LRRC25: variants seen among roughly 807,000 people sequenced by gnomAD.
The protein encoded by LRRC25 is leucine rich repeat containing 25.
A neutral mutation model predicts 18.8 loss-of-function variants in LRRC25; 5 were observed. The ratio of observed to expected loss-of-function variants is 0.27; its 90% CI spans 0.14 to 0.56. The LOEUF (loss-of-function observed/expected upper bound fraction) is 0.56. Among genes scored for constraint, LRRC25 ranks in the 20% least tolerant of loss-of-function variants. The pLI, the probability that LRRC25 is intolerant of heterozygous loss-of-function variation, is 0.93. For synonymous variants in LRRC25, 161 were observed against 176.8 expected, an observed-to-expected ratio of 0.91 and a Z score of 0.71; for missense variants, 341 against 389.8, an observed-to-expected ratio of 0.87 and a Z score of 1.05.
At chr19:18,393,574 T>A (rs930448166) in intron 1 of LRRC25, among the ~76,000 whole-genome samples, 4 of 151,172 alleles carry the variant, frequency 2.6e-5, no homozygotes, top group African/African-American at 9.7e-5. Context: ...TGAGCCGAGA[T>A]CATGCCATTG....
Position 18,396,614 on chromosome 19 carries a change from T to A in LRRC25, c.350A>T (p.Asn117Ile). ...GTCGTGCCAGGACTCCAGGGCACAG[T>A]TGCAGTCGGCCTGCAGGTCAAGGTC... is the stretch of plus-strand genomic sequence containing the variant. ...RCDLDLQADCNCALESWHDIR... is the reference protein window; with the variant it reads ...RCDLDLQADCICALESWHDIR... Residue 117 changes from asparagine to isoleucine, a missense_variant, in exon 1 of 2, where the codon AAC becomes ATC. Physicochemically the swap from Asn to Ile is moderately radical, Grantham distance 149. Coordinates refer to ENST00000339007, the MANE Select transcript of LRRC25 (RefSeq NM_145256.3). 6.2e-7 allele frequency: 1 copy of A among 1,613,952 alleles called. No homozygotes were observed. Among genetic ancestry groups the A allele is most frequent in the Non-Finnish European group, 8.5e-7 (1 of 1,180,022 alleles).
At chr19:18,394,710 C>T (rs1185186502) in intron 1 of LRRC25, among the ~76,000 whole-genome samples, 1 of 152,066 alleles carries the variant, frequency 6.6e-6, no homozygotes, top group African/African-American at 2.4e-5. Context: ...TCGAAAAGTG[C>T]TGGGATTATA....
Position 18,396,858 on chromosome 19 carries a change from C to T in LRRC25, c.106G>A (p.Ala36Thr), listed in dbSNP as rs1254158313. 5 of 1,613,878 alleles carry T rather than the reference C, an allele frequency of 3.1e-6. No individual in the cohort carries two copies. The Admixed American group carries it at 6.7e-5, about 22-fold the overall frequency. ...TTCAGGCACGTGGCACTGAACTCCG[C>T]GTTCCAGTCCACATCCGCGGAGGAC... Reference protein sequence around the residue: ...TVSSADVDWNAEFSATCLNFS... With the variant: ...TVSSADVDWNTEFSATCLNFS... The change falls in exon 1 of 2, where the codon GCG becomes ACG. Residue 36 changes from alanine to threonine, a missense_variant. Coordinates refer to ENST00000339007, the MANE Select transcript of LRRC25 (RefSeq NM_145256.3).
Position 18,391,967 on chromosome 19 carries a change from G to C in LRRC25, c.*20C>G. The C allele has an allele frequency of 6.2e-7, 1 of 1,609,816 alleles. No individual in the cohort carries two copies. Among genetic ancestry groups the C allele is most frequent in the Non-Finnish European group, 8.5e-7 (1 of 1,177,028 alleles). ...GCAGGGACTGAAGGGGTTCTGGGTG[G>C]AGGTTAGGACATCTTAGGCTCAGTG... On this transcript the variant is annotated 3_prime_UTR_variant, in exon 2 of 2. Coordinates refer to ENST00000339007, the MANE Select transcript of LRRC25 (RefSeq NM_145256.3).
At chr19:18,393,237 G>A (rs148689189) in intron 1 of LRRC25, among the ~76,000 whole-genome samples, 2 of 152,188 alleles carry the variant, frequency 1.3e-5, no homozygotes, top group African/African-American at 2.4e-5. Context: ...GGAGCAGGTA[G>A]CTACTTAGGA....
chr19:18,392,076 C>T lies in LRRC25; in HGVS notation c.829G>A (p.Asp277Asn). The change falls in exon 2 of 2, where the codon GAC (aspartate) becomes AAC (asparagine). Residue 277 changes from aspartate (D) to asparagine (N), a missense_variant. Transcript: ENST00000339007. ...CAGTAGACAGGCTGGGAAGCCAGGT[C>T]GATGTCCTTGTAGTTGATGTAAAAG... ...NDFYINYKDI[D>N]LASQPVYCNL... 6 of 1,614,008 alleles carry T rather than the reference C, an allele frequency of 3.7e-6. No individual in the cohort carries two copies. The highest frequency in any genetic ancestry group is 5.1e-6 in the Non-Finnish European group (6 of 1,180,004).
Position 18,391,839 on chromosome 19 carries a change from G to A in LRRC25, c.*148C>T. 2.2e-6 allele frequency: 2 copies of A among 909,778 alleles called. No homozygotes were observed. Among genetic ancestry groups the A allele is most frequent in the South Asian group, 1.7e-5 (1 of 59,996 alleles). 56.4% of individuals were successfully genotyped at this position (909,778 alleles called of 1,614,324 possible). On this transcript the variant is annotated 3_prime_UTR_variant, in exon 2 of 2. Coordinates refer to ENST00000339007, the MANE Select transcript of LRRC25 (RefSeq NM_145256.3). ...GAGCGGCATGAGGGACAGGGAGGGG[G>A]CGGCAGAGCTTCCTGGGGCCTCAAG...
At position 18,391,564 on chromosome 19, in the gene LRRC25, C is replaced by A. The variant is rs116399833; in HGVS notation, c.*423G>T. ...AAAACAAACAAACAAACAACAACAACAAAAAAAAACAGGGATGGGAGGTGG... is the reference window on the plus strand; with the variant it reads ...AAAACAAACAAACAAACAACAACAAAAAAAAAAAACAGGGATGGGAGGTGG... On this transcript the variant is annotated 3_prime_UTR_variant, in exon 2 of 2. Coordinates refer to ENST00000339007, the MANE Select transcript of LRRC25 (RefSeq NM_145256.3). 0.19 allele frequency: 29,855 copies of A among 157,428 alleles called. 3,072 individuals are homozygous for A. The highest frequency in any genetic ancestry group is 0.27 in the South Asian group (1,630 of 5,954). 9.8% of individuals were successfully genotyped at this position (157,428 alleles called of 1,614,324 possible). A position where few individuals can be genotyped will look rare whatever the true frequency, so the allele number is the denominator to read the frequency against.
At chr19:18,394,966 C>A (rs1164971166) in intron 1 of LRRC25, among the ~76,000 whole-genome samples, 2 of 152,152 alleles carry the variant, frequency 1.3e-5, no homozygotes, top group Admixed American at 1.3e-4. Context: ...GTGGTCCCAA[C>A]TACTCTGGAG....
Position 18,391,823 on chromosome 19 carries a change from G to A in LRRC25, c.*164C>T, listed in dbSNP as rs1971903156. On this transcript the variant is annotated 3_prime_UTR_variant, in exon 2 of 2. Coordinates refer to ENST00000339007, the MANE Select transcript of LRRC25 (RefSeq NM_145256.3). Reference sequence around the variant, plus strand: ...AGCTGAGGGAGCTGAGGAGCGGCATGAGGGACAGGGAGGGGGCGGCAGAGC... The same window carrying A: ...AGCTGAGGGAGCTGAGGAGCGGCATAAGGGACAGGGAGGGGGCGGCAGAGC... 3 of 739,550 alleles carry A rather than the reference G, an allele frequency of 4.1e-6. No individual in the cohort carries two copies. Among genetic ancestry groups the A allele is most frequent in the Non-Finnish European group, 6.5e-6 (3 of 463,484 alleles). The allele number at this position is 739,550 out of a possible 1,614,324, so 45.8% of individuals were successfully genotyped here. A position where few individuals can be genotyped will look rare whatever the true frequency, so the allele number is the denominator to read the frequency against.
At chr19:18,395,232 G>C (rs370060112) in intron 1 of LRRC25, among the ~76,000 whole-genome samples, 21 of 152,082 alleles carry the variant, frequency 1.4e-4, no homozygotes, top group African/African-American at 5.1e-4. Flanking sequence ...TTAGCCTGGC[G>C]TGGTGGCGGG....
At position 18,392,904 on chromosome 19, in the gene LRRC25, C is replaced by T. The variant is rs113200128; in HGVS notation, c.780-779G>A. Reference sequence around the variant, plus strand: ...CCTCGGGAGGCTGAGGTGGGAGGACCGCTTGAGCCCAGGAGGTCGAGCCTA... The same window carrying T: ...CCTCGGGAGGCTGAGGTGGGAGGACTGCTTGAGCCCAGGAGGTCGAGCCTA... On this transcript the variant is annotated intron_variant, in intron 1 of 1. Coordinates refer to ENST00000339007, the MANE Select transcript of LRRC25 (RefSeq NM_145256.3). Among the ~76,000 whole-genome samples, 1,164 of 152,078 alleles carry T rather than the reference C, an allele frequency of 7.7e-3. 12 individuals carry two copies. The highest frequency in any genetic ancestry group is 0.027 in the African/African-American group (1,100 of 41,498).
At chr19:18,394,385 A>C (rs1218393023) in intron 1 of LRRC25, among the ~76,000 whole-genome samples, 5 of 148,200 alleles carry the variant, frequency 3.4e-5, no homozygotes, top group African/African-American at 7.5e-5. Flanking sequence ...GGCTCACTGC[A>C]ACCTCCACCT....
At chr19:18,392,437 A>T (rs1971913859) in intron 1 of LRRC25, among the ~76,000 whole-genome samples, 1 of 151,998 alleles carries the variant, frequency 6.6e-6, no homozygotes, top group Non-Finnish European at 1.5e-5. Flanking sequence ...GGTTGTAGTG[A>T]GCCGAGATCG....
intron 1 of LRRC25, among the ~76,000 whole-genome samples, chr19:18,395,751 C>CA (rs1422619720): frequency 6.6e-6 from 1 of 152,140 alleles, no homozygotes; most frequent in Non-Finnish European, 1.5e-5. Flanking sequence ...GATGGAGTCT[C>CA]ACTCTGTCAC....
Position 18,397,331 on chromosome 19 carries a change from T to C in LRRC25, c.-368A>G, listed in dbSNP as rs898208897. On this transcript the variant is annotated 5_prime_UTR_variant, in exon 1 of 2. Coordinates refer to ENST00000339007, the MANE Select transcript of LRRC25 (RefSeq NM_145256.3). Reference sequence around the variant, plus strand: ...GCCCCCTGATCACGCTCCCGGTATCTCCCAGAACGGCGGGTCGCTGGGAAG... The same window carrying C: ...GCCCCCTGATCACGCTCCCGGTATCCCCCAGAACGGCGGGTCGCTGGGAAG... 18 of 269,112 alleles carry C rather than the reference T, an allele frequency of 6.7e-5. No individual in the cohort carries two copies. The highest frequency in any genetic ancestry group is 3.4e-4 in the Admixed American group (7 of 20,774). The allele number at this position is 269,112 out of a possible 1,614,324, so 16.7% of individuals were successfully genotyped here. A position where few individuals can be genotyped will look rare whatever the true frequency, so the allele number is the denominator to read the frequency against.
In LRRC25 at chr19:18,397,269, C is replaced by T. The variant is rs1276409650; in HGVS notation, c.-306G>A. ...GGCGCCCTCGTTGGCCAGGACGGGA[C>T]CCTATGCAAATAAGCGGTTGCCTTG... On this transcript the variant is annotated 5_prime_UTR_variant, in exon 1 of 2. Transcript: ENST00000339007. 1 of 386,028 alleles carries T rather than the reference C, an allele frequency of 2.6e-6. No individual in the cohort carries two copies. Among genetic ancestry groups the T allele is most frequent in the Non-Finnish European group, 4.7e-6 (1 of 210,896 alleles). The allele number at this position is 386,028 out of a possible 1,614,324, so 23.9% of individuals were successfully genotyped here.
At chr19:18,395,541 C>T (rs1037758904) in intron 1 of LRRC25, among the ~76,000 whole-genome samples, 6 of 151,942 alleles carry the variant, frequency 3.9e-5, no homozygotes, top group South Asian at 2.1e-4. Context: ...TGCTGCTGAC[C>T]GCCACCGCGG....
In LRRC25 at chr19:18,397,321, TC is replaced by T. The variant is rs1971984633; in HGVS notation, c.-359del. The T allele has an allele frequency of 3.6e-6, 1 of 275,978 alleles. No individual in the cohort carries two copies. Among genetic ancestry groups the T allele is most frequent in the South Asian group, 5.7e-5 (1 of 17,562 alleles). 17.1% of individuals were successfully genotyped at this position (275,978 alleles called of 1,614,324 possible). A position where few individuals can be genotyped will look rare whatever the true frequency, so the allele number is the denominator to read the frequency against. Reference sequence around the variant, plus strand: ...AAACGGCCCCGCCCCCTGATCACGCTCCCGGTATCTCCCAGAACGGCGGGTC... The same window carrying T: ...AAACGGCCCCGCCCCCTGATCACGCTCCGGTATCTCCCAGAACGGCGGGTC... On this transcript the variant is annotated 5_prime_UTR_variant, in exon 1 of 2. Coordinates refer to ENST00000339007, the MANE Select transcript of LRRC25 (RefSeq NM_145256.3).
Sources: allele counts gnomAD v4.1 joint callset (sites outside exome capture counted in the v4.1 genomes callset), GRCh38; gene constraint gnomAD v4.1.1; transcripts MANE v1.5; gene names NCBI Gene and HGNC (gene_info 2026-07-23, HGNC 2026-07-21).